SPECC1L: variants seen among roughly 807,000 people sequenced by gnomAD.
SPECC1L encodes cytospin-A.
A neutral mutation model predicts 116.8 loss-of-function variants in SPECC1L; 40 were observed. The ratio of observed to expected loss-of-function variants is 0.34; its 90% CI spans 0.27 to 0.45. The LOEUF is 0.45. Ranked by LOEUF, SPECC1L falls within the 20% of genes least tolerant of loss-of-function variation. The pLI is 1.00. For missense variants in SPECC1L, 1,110 were observed against 1,373.6 expected (o/e 0.81, Z 3.03); for synonymous variants, 504 against 500.6 (o/e 1.01, Z -0.09).
chr22:24,283,178 A>G (rs1246174981), intron 2 of SPECC1L, among the ~76,000 whole-genome samples: 1 of 151,996 alleles, frequency 6.6e-6, no homozygotes, highest in Non-Finnish European at 1.5e-5. Context: ...TCCTGGGTTC[A>G]CACCATTCTC....
chr22:24,332,345 C>G (rs1274333142), intron 8 of SPECC1L, among the ~76,000 whole-genome samples: 1 of 152,160 alleles, frequency 6.6e-6, no homozygotes, highest in Non-Finnish European at 1.5e-5. Flanking sequence ...GAAAATCTGT[C>G]TAATTCAGTG....
At position 24,358,596 on chromosome 22, in the gene SPECC1L, CAG is replaced by C. The variant is rs371745540; in HGVS notation, c.2744-4662_2744-4661del. On this transcript the variant is annotated intron_variant, in intron 11 of 16. Coordinates refer to ENST00000314328, the MANE Select transcript of SPECC1L (RefSeq NM_015330.6). ...TTCAGAAGTCAATGAAGGATTTGGA[CAG>C]AGTTTGTATACAAACTGTTGGCTCT... is the stretch of plus-strand genomic sequence containing the variant. Among the ~76,000 whole-genome samples the C allele has an allele frequency of 5.6e-4, 86 of 152,284 alleles. 1 individual carries two copies. The highest frequency in any genetic ancestry group is 2.0e-3 in the African/African-American group (84 of 41,546).
intron 14 of SPECC1L, among the ~76,000 whole-genome samples, chr22:24,385,115 A>G (rs1261044423): frequency 2.0e-5 from 3 of 151,926 alleles, no homozygotes; most frequent in African/African-American, 4.8e-5. Flanking sequence ...AAAAATTTAA[A>G]AAATACTGAT....
At chr22:24,399,341 C>T (rs1277949943) in intron 14 of SPECC1L, among the ~76,000 whole-genome samples, 3 of 152,126 alleles carry the variant, frequency 2.0e-5, no homozygotes, top group East Asian at 1.9e-4. Flanking sequence ...GAGGCCGAGG[C>T]GGGTGGATCA....
intron 1 of SPECC1L, among the ~76,000 whole-genome samples, chr22:24,275,789 G>T (rs541126795): frequency 9.9e-5 from 15 of 152,182 alleles, no homozygotes; most frequent in Admixed American, 3.9e-4. Context: ...GCTCACCGTA[G>T]CCTTGAACTC....
intron 2 of SPECC1L, among the ~76,000 whole-genome samples, chr22:24,296,278 A>G (rs2049260519): frequency 1.3e-5 from 2 of 152,168 alleles, no homozygotes; most frequent in South Asian, 4.1e-4. Context: ...GAACTGTACA[A>G]GGTACCGCAC....
At position 24,302,301 on chromosome 22, in the gene SPECC1L, G is replaced by GA; in HGVS notation, c.76dup (p.Ile26AsnfsTer2). Reference sequence around the variant, plus strand: ...TGCAATAAGTAAAACGCAAACAGCAGAAAAAATTAAACCTGAAAACAGCTC... The same window carrying GA: ...TGCAATAAGTAAAACGCAAACAGCAGAAAAAAATTAAACCTGAAAACAGCTC... On this transcript the variant is annotated frameshift_variant, in exon 3 of 17. Coordinates refer to ENST00000314328, the MANE Select transcript of SPECC1L (RefSeq NM_015330.6). LOFTEE classifies it high-confidence loss of function. 6.2e-7 allele frequency: 1 copy of GA among 1,614,080 alleles called. No individual in the cohort carries two copies. The highest frequency in any genetic ancestry group is 8.5e-7 in the Non-Finnish European group (1 of 1,180,026).
chr22:24,321,295 T>C lies in SPECC1L; in HGVS notation c.315T>C (p.Ala105=). Residue 105 remains alanine (A), a synonymous_variant, in exon 5 of 17, where the codon GCT becomes GCC. Transcript: ENST00000314328. The part of the protein sequence containing the change: ...ENKSKISTGT[A]SSTKRSTSTG... ...TTTGTATTAAACACATAGGCACAGC[T>C]TCTTCAACCAAGCGGAGCACTTCTA... 6.2e-7 allele frequency: 1 copy of C among 1,613,970 alleles called. No individual in the cohort carries two copies. Among genetic ancestry groups the C allele is most frequent in the Non-Finnish European group, 8.5e-7 (1 of 1,180,036 alleles).
At chr22:24,326,166 T>G (rs1047350950) in intron 6 of SPECC1L, among the ~76,000 whole-genome samples, 1 of 152,200 alleles carries the variant, frequency 6.6e-6, no homozygotes, top group Non-Finnish European at 1.5e-5. Context: ...TTGGCCAGGC[T>G]GGTCTCGAAC....
At chr22:24,383,792 ATTTTTTTTTTTTTTTTTT>A (rs538972717) in intron 14 of SPECC1L, among the ~76,000 whole-genome samples, 901 of 77,328 alleles carry the variant, frequency 0.012, 22 homozygotes, top group African/African-American at 0.054. Context: ...ACCCACCACT[ATTTTTTTTTTTTTTTTTT>A]TTTTTTTTTT....
rs1327015401 is a variant in SPECC1L at position 24,302,224 on chromosome 22, A to C, written c.-8A>C. 6.2e-7 allele frequency: 1 copy of C among 1,613,964 alleles called. No individual in the cohort carries two copies. The highest frequency in any genetic ancestry group is 8.5e-7 in the Non-Finnish European group (1 of 1,179,992). On this transcript the variant is annotated 5_prime_UTR_variant, in exon 3 of 17. Transcript: ENST00000314328. The stretch of plus-strand genomic sequence containing the variant: ...GCTTGTAAATGCATCACGAAGAGGC[A>C]GCCCAGAATGAAGAAAGCAAGCAGG...
chr22:24,350,882 G>A (rs1177539289), intron 11 of SPECC1L, among the ~76,000 whole-genome samples: 2 of 152,194 alleles, frequency 1.3e-5, no homozygotes, highest in Admixed American at 6.5e-5. Flanking sequence ...GCCTGGGCAC[G>A]GTGGTGTGGC....
chr22:24,286,707 A>G (rs995325767), intron 2 of SPECC1L, among the ~76,000 whole-genome samples: 1 of 152,164 alleles, frequency 6.6e-6, no homozygotes, highest in African/African-American at 2.4e-5. Flanking sequence ...TGACCTATCT[A>G]GTAAGAGTTA....
At chr22:24,320,269 A>T (rs2040694237) in intron 4 of SPECC1L, among the ~76,000 whole-genome samples, 1 of 151,864 alleles carries the variant, frequency 6.6e-6, no homozygotes, top group Admixed American at 6.6e-5. Flanking sequence ...GTCAAGAGAG[A>T]CTCCATCTCA....
At chr22:24,379,573 T>C (rs1304405945) in intron 14 of SPECC1L, among the ~76,000 whole-genome samples, 3 of 152,204 alleles carry the variant, frequency 2.0e-5, no homozygotes, top group Non-Finnish European at 4.4e-5. Context: ...GTTTTTTCCA[T>C]TTACTTGGTA....
intron 2 of SPECC1L, among the ~76,000 whole-genome samples, chr22:24,293,323 C>T (rs992779542): frequency 4.6e-5 from 7 of 151,830 alleles, no homozygotes; most frequent in South Asian, 2.1e-4. Flanking sequence ...CGTGGTGGTA[C>T]GCACCTGTAG....
At position 24,317,620 on chromosome 22, in the gene SPECC1L, C is replaced by T. The variant is rs2040618976; in HGVS notation, c.308-3668C>T. On this transcript the variant is annotated intron_variant, in intron 4 of 16. Coordinates refer to ENST00000314328, the MANE Select transcript of SPECC1L (RefSeq NM_015330.6). ...CTGGCCGGGCGGGGGGCTGATCCCC[C>T]CACCTCCCTCCCGGACGGGGCGGCT... 2.0e-5 allele frequency among the ~76,000 whole-genome samples: 3 copies of T among 151,006 alleles called. No homozygotes were observed. The South Asian group carries it at 6.2e-4, about 31-fold the overall frequency.
intron 3 of SPECC1L, among the ~76,000 whole-genome samples, chr22:24,312,481 C>T (rs371997807): frequency 4.6e-5 from 7 of 152,318 alleles, no homozygotes; most frequent in African/African-American, 1.7e-4. Flanking sequence ...AATCAGTTGG[C>T]TAACTCATGC....
At chr22:24,388,273 C>T (rs1418740485) in intron 14 of SPECC1L, among the ~76,000 whole-genome samples, 1 of 139,298 alleles carries the variant, frequency 7.2e-6, no homozygotes, top group Non-Finnish European at 1.5e-5. Context: ...TTATGTTCCC[C>T]TTCCTGTGTC....
Sources: allele counts gnomAD v4.1 joint callset (sites outside exome capture counted in the v4.1 genomes callset), GRCh38; gene constraint gnomAD v4.1.1; transcripts MANE v1.5; gene names NCBI Gene and HGNC (gene_info 2026-07-23, HGNC 2026-07-21).